Variants in TRIOBP observed in about 807,000 individuals in gnomAD.
The protein encoded by TRIOBP is TRIO and F-actin binding protein.
In TRIOBP, 169 loss-of-function variants were observed where a neutral mutation model predicts 238.8. That is an observed-to-expected ratio of 0.71 (90% CI 0.62 to 0.80). The LOEUF (loss-of-function observed/expected upper bound fraction) is 0.80, where lower values mean the gene tolerates loss of function less well. Ranked by LOEUF, TRIOBP falls within the 30% of genes least tolerant of loss-of-function variation. The pLI is 0.00. For missense variants in TRIOBP, 2,838 were observed against 3,122.6 expected, an observed-to-expected ratio of 0.91 and a Z score of 2.17; for synonymous variants, 1,150 against 1,274.4, an observed-to-expected ratio of 0.90 and a Z score of 2.08.
chr22:37,716,220 T>G (rs1433938650), intron 6 of TRIOBP, among the ~76,000 whole-genome samples: 1 of 151,996 alleles, frequency 6.6e-6, no homozygotes, highest in Non-Finnish European at 1.5e-5. Context: ...CAAGCGATTC[T>G]CCTGCCCCAG....
chr22:37,769,160 G>A lies in TRIOBP; in HGVS notation c.6708G>A (p.Glu2236=). 2 of 1,611,078 alleles carry A rather than the reference G, an allele frequency of 1.2e-6. No individual in the cohort carries two copies. The highest frequency in any genetic ancestry group is 2.2e-5 in the South Asian group (2 of 90,808). ...ACACGCTGCGCCGCTGCCAGCAGGAGGGCCAGGAGCTGCTGCGCCACAACC... is the reference window on the plus strand; with the variant it reads ...ACACGCTGCGCCGCTGCCAGCAGGAAGGCCAGGAGCTGCTGCGCCACAACC... ...REHTLRRCQQ[E]GQELLRHNQE... The change falls in exon 20 of 24, where the codon GAG becomes GAA. Residue 2236 remains glutamate, a synonymous_variant. Coordinates refer to ENST00000644935, the MANE Select transcript of TRIOBP (RefSeq NM_001039141.3).
intron 6 of TRIOBP, among the ~76,000 whole-genome samples, chr22:37,721,662 G>A (rs982739617): frequency 6.6e-6 from 1 of 152,022 alleles, no homozygotes; most frequent in Admixed American, 6.6e-5. Flanking sequence ...AAAACTTGTA[G>A]TAGAGACAGG....
In TRIOBP at chr22:37,735,380, G is replaced by C; in HGVS notation, c.5044G>C (p.Glu1682Gln). ...GPATATLAGL[E>Q]QTGPLGSRST... is the part of the protein sequence containing the mutation. ...AGCGACCGCAACTCTGGCAGGCCTG[G>C]AGCAGACGGGCCCCCTGGGGAGCAG... The change falls in exon 9 of 24, where the codon GAG becomes CAG. Residue 1682 changes from glutamate (E) to glutamine (Q), a missense_variant. This residue lies in a region of TRIOBP where 2,096 missense variants were observed against 2,137.4 expected (regional missense o/e 0.98). Transcript: ENST00000644935. 1 of 1,608,724 alleles carries C rather than the reference G, an allele frequency of 6.2e-7. No homozygotes were observed. The highest frequency in any genetic ancestry group is 2.2e-5 in the East Asian group (1 of 44,604).
At chr22:37,702,307 C>T (rs938946296) in intron 3 of TRIOBP, among the ~76,000 whole-genome samples, 2 of 151,856 alleles carry the variant, frequency 1.3e-5, no homozygotes, top group African/African-American at 2.4e-5. Context: ...TAGGTTCAAG[C>T]GATCCTCCCG....
intron 18 of TRIOBP, among the ~76,000 whole-genome samples, chr22:37,766,125 C>T (rs974307305): frequency 7.2e-5 from 11 of 152,196 alleles, no homozygotes; most frequent in Admixed American, 1.3e-4. Context: ...TACCCACGTG[C>T]GTGGGGGAGA....
chr22:37,752,348 G>A (rs931986024), intron 12 of TRIOBP, among the ~76,000 whole-genome samples: 1 of 152,200 alleles, frequency 6.6e-6, no homozygotes, highest in Non-Finnish European at 1.5e-5. Context: ...GATCAAGCAC[G>A]TACAGGTGCC....
At chr22:37,741,886 C>G (rs748050880) in intron 11 of TRIOBP, among the ~76,000 whole-genome samples, 1 of 152,204 alleles carries the variant, frequency 6.6e-6, no homozygotes, top group Non-Finnish European at 1.5e-5. Context: ...AGAGAGGGCT[C>G]AGGGAGATCA....
chr22:37,728,909 T>C (rs886822134), intron 7 of TRIOBP, among the ~76,000 whole-genome samples: 6 of 152,114 alleles, frequency 3.9e-5, no homozygotes, highest in African/African-American at 1.2e-4. Context: ...AAGTCTTCAG[T>C]GTCTTTAACT....
chr22:37,746,149 C>T (rs2145854801), intron 11 of TRIOBP: 1 of 1,020,542 alleles, frequency 9.8e-7, no homozygotes, highest in South Asian at 4.5e-5. Context: ...CCGCCGCGGC[C>T]CCCGCCGCTG....
At chr22:37,756,282 G>C (rs1297669605) in intron 15 of TRIOBP, among the ~76,000 whole-genome samples, 1 of 152,078 alleles carries the variant, frequency 6.6e-6, no homozygotes, top group Non-Finnish European at 1.5e-5. Flanking sequence ...GCAATATAGT[G>C]AGACCTCGTC....
Position 37,769,067 on chromosome 22 carries a change from ATCGGAGCAGTACTC to A in TRIOBP, c.6616_6629del (p.Ser2206AlafsTer14). ...CACTGAAGCGAGAGCTGCAGGTGCT[ATCGGAGCAGTACTC>A]GCAGAAGTGCCTGGAGATTGGGGCA... On this transcript the variant is annotated frameshift_variant, in exon 20 of 24. Coordinates refer to ENST00000644935, the MANE Select transcript of TRIOBP (RefSeq NM_001039141.3). LOFTEE classifies it high-confidence loss of function. 1 of 1,613,588 alleles carries A rather than the reference ATCGGAGCAGTACTC, an allele frequency of 6.2e-7. No individual in the cohort carries two copies. Among genetic ancestry groups the A allele is most frequent in the Non-Finnish European group, 8.5e-7 (1 of 1,180,030 alleles).
At chr22:37,762,511 G>C (rs977100863) in intron 17 of TRIOBP, among the ~76,000 whole-genome samples, 2 of 152,228 alleles carry the variant, frequency 1.3e-5, no homozygotes, top group African/African-American at 4.8e-5. Flanking sequence ...TGACCTTTGA[G>C]CTATAGGCAG....
intron 3 of TRIOBP, among the ~76,000 whole-genome samples, chr22:37,703,286 G>A (rs1465034386): frequency 2.6e-5 from 4 of 151,914 alleles, no homozygotes; most frequent in Non-Finnish European, 4.4e-5. Context: ...GAGCCACCGC[G>A]CCTGGCCGAG....
intron 6 of TRIOBP, among the ~76,000 whole-genome samples, chr22:37,719,178 G>A (rs1448865127): frequency 2.1e-5 from 3 of 144,504 alleles, no homozygotes; most frequent in Non-Finnish European, 3.0e-5. Flanking sequence ...ACTCCCGCCT[G>A]GGCAACAGAA....
chr22:37,711,585 A>C (rs982560195), intron 4 of TRIOBP, among the ~76,000 whole-genome samples: 8 of 39,434 alleles, frequency 2.0e-4, no homozygotes, highest in East Asian at 5.5e-3. Flanking sequence ...TCTCAAAAAA[A>C]AAAAAAACAA....
At chr22:37,747,629 G>A (rs1004693975) in intron 11 of TRIOBP, among the ~76,000 whole-genome samples, 21 of 152,372 alleles carry the variant, frequency 1.4e-4, no homozygotes, top group Middle Eastern at 3.4e-3. Context: ...AGGGATGTGG[G>A]GGGAGGAGCT....
At chr22:37,764,934 G>A (rs1023883754) in intron 17 of TRIOBP, among the ~76,000 whole-genome samples, 2 of 152,200 alleles carry the variant, frequency 1.3e-5, no homozygotes, top group African/African-American at 2.4e-5. Context: ...AGCTAGGAGA[G>A]ACATTTAAAC....
At chr22:37,757,509 C>A in intron 15 of TRIOBP, 104 bp from the exon 16 acceptor site, 1 of 1,482,336 alleles carries the variant, frequency 6.7e-7, no homozygotes, top group Non-Finnish European at 9.1e-7. Context: ...GGTCTGTCTC[C>A]AGCCCCTGGC....
intron 11 of TRIOBP, chr22:37,750,999 TAGATG>T (rs1391890644): frequency 2.7e-6 from 1 of 373,150 alleles, no homozygotes; most frequent in South Asian, 2.0e-5. Context: ...GACCGGGACT[TAGATG>T]AGAGAGGTCT....
Sources: gnomAD v4.1 joint callset for allele counts (sites outside exome capture counted in the v4.1 genomes callset) on GRCh38, gnomAD v4.1.1 for gene constraint, gnomAD v4.1.1 regional missense constraint, MANE v1.5 for transcripts, NCBI Gene and HGNC (gene_info 2026-07-23, HGNC 2026-07-21) for gene names.